The following CENPE variants were observed in gnomAD, a reference collection of about 807,000 sequenced individuals.
CENPE encodes centromere protein E, also known as centromere-associated protein E.
A neutral mutation model predicts 336.1 loss-of-function variants in CENPE; 145 were observed. That is an observed-to-expected ratio of 0.43 (90% CI 0.38 to 0.50). The LOEUF (loss-of-function observed/expected upper bound fraction) is 0.50. Ranked by LOEUF, CENPE falls within the 20% of genes least tolerant of loss-of-function variation. CENPE has a pLI of 0.00. For synonymous variants in CENPE, 1,013 were observed against 984.8 expected (o/e 1.03, Z -0.54); for missense variants, 2,719 against 3,023.3 (o/e 0.90, Z 2.36).
intron 43 of CENPE, 78 bp from the exon 44 acceptor site, chr4:103,120,411 C>A: frequency 1.7e-6 from 2 of 1,206,238 alleles, no homozygotes; most frequent in East Asian, 2.5e-5. Flanking sequence ...CAGAGATGAT[C>A]ATATTTAGAT....
At chr4:103,194,171 C>T (rs1323373698) in intron 8 of CENPE, 58 bp downstream of exon 8, 17 of 1,316,382 alleles carry the variant, frequency 1.3e-5, no homozygotes, top group Admixed American at 9.7e-5. Flanking sequence ...CATCCAGCAA[C>T]TAAATTAAAT....
chr4:103,120,681 G>C (rs940908813), intron 43 of CENPE, among the ~76,000 whole-genome samples: 10 of 151,952 alleles, frequency 6.6e-5, no homozygotes, highest in Admixed American at 1.3e-4. Flanking sequence ...TTAAACAAAG[G>C]ACATTGGTTA....
At chr4:103,121,721 T>TA (rs1750638625) in intron 43 of CENPE, among the ~76,000 whole-genome samples, 2 of 151,704 alleles carry the variant, frequency 1.3e-5, no homozygotes, top group Admixed American at 6.6e-5. Flanking sequence ...GATAATATAT[T>TA]AAAAAAACAC....
intron 42 of CENPE, among the ~76,000 whole-genome samples, chr4:103,124,145 C>T (rs72665054): frequency 0.17 from 25,838 of 152,006 alleles, 2,326 homozygotes; most frequent in South Asian, 0.31. Flanking sequence ...GGTTTGGTAC[C>T]ATCCATGGCA....
intron 16 of CENPE, among the ~76,000 whole-genome samples, chr4:103,173,727 A>C (rs1243956118): frequency 1.4e-5 from 2 of 147,650 alleles, no homozygotes; most frequent in African/African-American, 4.9e-5. Context: ...TATAGGCAGA[A>C]GACCTGAACA....
intron 24 of CENPE, among the ~76,000 whole-genome samples, chr4:103,157,435 C>A (rs1030167648): frequency 6.6e-6 from 1 of 151,914 alleles, no homozygotes; most frequent in African/African-American, 2.4e-5. Context: ...CTAACACATG[C>A]TACAACATGG....
chr4:103,140,016 G>A lies in CENPE; in HGVS notation c.5977C>T (p.His1993Tyr), dbSNP rs1442163481. The A allele has an allele frequency of 1.2e-6, 2 of 1,611,886 alleles. No homozygotes were observed. The highest frequency in any genetic ancestry group is 1.7e-5 in the Admixed American group (1 of 59,884). ...LRVKEDVNMS[H>Y]KKINEMEQLK... ...TGTTCCATTTCATTAATTTTTTTAT[G>A]ACTCATATTGACATCTTCTTTCACT... Residue 1993 changes from histidine (H) to tyrosine (Y), a missense_variant, in exon 38 of 49, where the codon CAT becomes TAT. His to Tyr is a moderately conservative substitution (Grantham distance 83, BLOSUM62 2). Transcript: ENST00000265148.
intron 1 of CENPE, 56 bp downstream of exon 1, chr4:103,198,208 G>A (rs1560691449): frequency 7.2e-6 from 11 of 1,519,840 alleles, no homozygotes; most frequent in Non-Finnish European, 8.0e-6. Context: ...CGCCCCTCCG[G>A]CTCAGGGCGG....
Position 103,198,245 on chromosome 4 carries a change from C to G in CENPE, c.56+19G>C. On this transcript the variant is annotated intron_variant, in intron 1 of 48. Coordinates refer to ENST00000265148, the MANE Select transcript of CENPE (RefSeq NM_001813.3). ...GCCGCAGGCCCAGCGGGCACCGGGC[C>G]GTGGTGTGGCCCCCCTACCTGCTGT... 1 of 1,549,230 alleles carries G rather than the reference C, an allele frequency of 6.5e-7. No homozygotes were observed. Among genetic ancestry groups the G allele is most frequent in the Non-Finnish European group, 8.7e-7 (1 of 1,146,368 alleles).
chr4:103,159,418 T>A (rs1409174267), intron 21 of CENPE, 94 bp from the exon 22 acceptor site: 1 of 746,316 alleles, frequency 1.3e-6, no homozygotes, highest in African/African-American at 1.8e-5. Flanking sequence ...AAAAGAGAAG[T>A]TATTTACATT....
chr4:103,116,171 T>C (rs1178941347), intron 45 of CENPE, among the ~76,000 whole-genome samples: 1 of 151,532 alleles, frequency 6.6e-6, no homozygotes, highest in Admixed American at 6.6e-5. Context: ...TAAAAGGAAA[T>C]ATAATCTTCA....
In CENPE at chr4:103,139,779, C is replaced by G. The variant is rs369821216; in HGVS notation, c.6204+10G>C. On this transcript the variant is annotated intron_variant, in intron 38 of 48. Transcript: ENST00000265148. Reference sequence around the variant, plus strand: ...AATAGTTACTACACAAAGGAAGACTCTGAACTCACTCTAGCTATCATTTCC... The same window carrying G: ...AATAGTTACTACACAAAGGAAGACTGTGAACTCACTCTAGCTATCATTTCC... 4.5e-5 allele frequency: 71 copies of G among 1,589,608 alleles called. No individual in the cohort carries two copies. The highest frequency in any genetic ancestry group is 5.9e-5 in the Non-Finnish European group (69 of 1,170,604).
Position 103,136,209 on chromosome 4 carries a change from T to A in CENPE, c.6454A>T (p.Ile2152Phe), listed in dbSNP as rs1007390596. 6 of 1,613,778 alleles carry A rather than the reference T, an allele frequency of 3.7e-6. 1 individual carries two copies. In the Admixed American group the frequency reaches 8.3e-5, roughly 22 times the overall value. ...TGGTTTGCAGTAAAAAGTTTTTCAA[T>A]GTGTTTGGTTTGTAAATAGGGAAGT... ...LSLPYLQTKH[I>F]EKLFTANQRC... The change falls in exon 40 of 49, where the codon ATT (isoleucine) becomes TTT (phenylalanine). Residue 2152 changes from isoleucine (I) to phenylalanine (F), a missense_variant. Coordinates refer to ENST00000265148, the MANE Select transcript of CENPE (RefSeq NM_001813.3).
chr4:103,165,888 A>G (rs893182484), intron 16 of CENPE, among the ~76,000 whole-genome samples: 4 of 151,326 alleles, frequency 2.6e-5, no homozygotes, highest in African/African-American at 9.7e-5. Flanking sequence ...TTAAAAAAAA[A>G]AAAAAGAAAA....
chr4:103,147,829 G>A (rs1029538971), intron 28 of CENPE, among the ~76,000 whole-genome samples, 183 bp from the exon 29 acceptor site: 2 of 152,018 alleles, frequency 1.3e-5, no homozygotes, highest in Non-Finnish European at 2.9e-5. Context: ...GAGTAGCTGG[G>A]ATTACAGGTG....
intron 23 of CENPE, 23 bp from the exon 24 acceptor site, chr4:103,158,481 C>T (rs1754145545): frequency 6.6e-6 from 10 of 1,522,830 alleles, no homozygotes; most frequent in Non-Finnish European, 8.8e-6. Flanking sequence ...AATATAAAAA[C>T]AATTTCCATT....
At chr4:103,138,679 TG>T (rs1752283603) in intron 38 of CENPE, among the ~76,000 whole-genome samples, 1 of 152,096 alleles carries the variant, frequency 6.6e-6, no homozygotes, top group Non-Finnish European at 1.5e-5. Flanking sequence ...ATCTAATTTT[TG>T]GAGACAGGAT....
At chr4:103,191,659 G>T (rs1391695097) in intron 8 of CENPE, among the ~76,000 whole-genome samples, 2 of 126,104 alleles carry the variant, frequency 1.6e-5, no homozygotes, top group South Asian at 6.3e-4. Flanking sequence ...GGGGTGGGGG[G>T]AGGGGGGGAT....
Position 103,138,386 on chromosome 4 carries a change from TA to T in CENPE, c.6267del (p.Thr2090ArgfsTer4). ...GAGCACTTTTCTCTCAGGCTTTCCG[TA>T]AGGTGCTGTTGTCCATCACTTAGTA... Reference protein sequence around the residue: ...KRLLSDGQQHLTESLREKCSR... With the variant: ...KRLLSDGQQHXTESLREKCSR... On this transcript the variant is annotated frameshift_variant, in exon 39 of 49. Transcript: ENST00000265148. LOFTEE classifies it high-confidence loss of function. The T allele has an allele frequency of 6.2e-7, 1 of 1,613,484 alleles. No individual in the cohort carries two copies. The highest frequency in any genetic ancestry group is 8.5e-7 in the Non-Finnish European group (1 of 1,179,412).
Sources: allele counts gnomAD v4.1 joint callset (sites outside exome capture counted in the v4.1 genomes callset), GRCh38; gene constraint gnomAD v4.1.1; transcripts MANE v1.5; gene names NCBI Gene and HGNC (gene_info 2026-07-23, HGNC 2026-07-21).